The following BBS9 variants were observed in gnomAD, a reference collection of about 807,000 sequenced individuals.
The protein encoded by BBS9 is protein PTHB1.
In BBS9, 89 loss-of-function variants were observed where a neutral mutation model predicts 117.7. The observed-to-expected ratio is 0.76, with a 90% CI of 0.64 to 0.90. BBS9 has a LOEUF of 0.90. Among genes scored for constraint, BBS9 ranks in the 40% least tolerant of loss-of-function variants. The probability of loss-of-function intolerance (pLI) is 0.00; values close to 1 mark genes in which losing one functional copy is unlikely to be tolerated. For synonymous variants in BBS9, 379 were observed against 370.9 expected, an observed-to-expected ratio of 1.02 and a Z score of -0.25; for missense variants, 982 against 1,042.2, an observed-to-expected ratio of 0.94 and a Z score of 0.80.
chr7:33,372,313 G>A (rs1388859811), intron 17 of BBS9, among the ~76,000 whole-genome samples: 3 of 152,014 alleles, frequency 2.0e-5, no homozygotes, highest in African/African-American at 7.2e-5. Flanking sequence ...TTTGTATTGA[G>A]GTACATTCCT....
intron 9 of BBS9, among the ~76,000 whole-genome samples, chr7:33,279,020 T>G (rs935787620): frequency 1.8e-4 from 28 of 152,214 alleles, no homozygotes; most frequent in African/African-American, 6.3e-4. Flanking sequence ...TAATTATTAC[T>G]AACTTAGCTA....
Position 33,332,442 on chromosome 7 carries a change from G to T in BBS9, c.1017-3999G>T, listed in dbSNP as rs192615751. On this transcript the variant is annotated intron_variant, in intron 9 of 22. Transcript: ENST00000242067. ...GCCTGTAATCCCAGCACTTTGGGAG[G>T]CTGAGGCAGGTGGATCACGAGGTCA... Among the ~76,000 whole-genome samples, 63 of 152,332 alleles carry T rather than the reference G, an allele frequency of 4.1e-4. No homozygotes were observed. The East Asian group carries it at 0.012, about 28-fold the overall frequency.
intron 1 of BBS9, 125 bp downstream of exon 1, chr7:33,130,166 A>G (rs998514074): frequency 3.3e-5 from 5 of 152,272 alleles, no homozygotes; most frequent in South Asian, 4.1e-4. Flanking sequence ...GATTTCTTAG[A>G]TGTTTGCACT....
At chr7:33,427,449 C>A (rs1833812833) in intron 19 of BBS9, among the ~76,000 whole-genome samples, 1 of 152,136 alleles carries the variant, frequency 6.6e-6, no homozygotes, top group Admixed American at 6.5e-5. Context: ...ACTTTCCTGG[C>A]AATGTTGCTC....
chr7:33,473,498 A>G (rs1403524556), intron 19 of BBS9, among the ~76,000 whole-genome samples: 1 of 152,024 alleles, frequency 6.6e-6, no homozygotes. Context: ...TAATTTTTGT[A>G]TTTTTAGTAG....
At chr7:33,278,279 A>C (rs1249275751) in intron 9 of BBS9, among the ~76,000 whole-genome samples, 3 of 152,204 alleles carry the variant, frequency 2.0e-5, no homozygotes, top group Non-Finnish European at 2.9e-5. Context: ...GACAGGGGGC[A>C]TAGTTGTGGT....
intron 4 of BBS9, among the ~76,000 whole-genome samples, chr7:33,156,039 A>G (rs1472105974): frequency 6.6e-6 from 1 of 152,202 alleles, no homozygotes; most frequent in Non-Finnish European, 1.5e-5. Flanking sequence ...ATGTTCTACA[A>G]TAACAAAATT....
chr7:33,233,027 G>T (rs113424823), intron 5 of BBS9, among the ~76,000 whole-genome samples: 39 of 152,136 alleles, frequency 2.6e-4, no homozygotes, highest in African/African-American at 8.2e-4. Flanking sequence ...TTTGTTCTTT[G>T]ACTTAAGCCT....
chr7:33,603,648 G>C (rs1444123597), intron 21 of BBS9, among the ~76,000 whole-genome samples: 1 of 152,168 alleles, frequency 6.6e-6, no homozygotes, highest in East Asian at 1.9e-4. Context: ...AGGCTTTGGA[G>C]AGATTAAAAA....
At chr7:33,420,962 A>G (rs1832775316) in intron 19 of BBS9, among the ~76,000 whole-genome samples, 1 of 152,182 alleles carries the variant, frequency 6.6e-6, no homozygotes, top group Non-Finnish European at 1.5e-5. Flanking sequence ...CGTATCATCG[A>G]GGCCTCTCTA....
At chr7:33,612,698 G>T (rs771585495) in intron 21 of BBS9, among the ~76,000 whole-genome samples, 1 of 151,960 alleles carries the variant, frequency 6.6e-6, no homozygotes, top group Non-Finnish European at 1.5e-5. Context: ...CATCTGCTAG[G>T]AGTCTTGTTT....
chr7:33,154,003 T>C (rs1195401337), intron 3 of BBS9, among the ~76,000 whole-genome samples: 1 of 152,200 alleles, frequency 6.6e-6, no homozygotes, highest in Non-Finnish European at 1.5e-5. Flanking sequence ...TTCTGTATAG[T>C]AGTCCTTAAG....
intron 5 of BBS9, among the ~76,000 whole-genome samples, chr7:33,223,434 TTGTC>T (rs1233899360): frequency 1.3e-5 from 2 of 152,226 alleles, no homozygotes; most frequent in Non-Finnish European, 2.9e-5. Flanking sequence ...AAAACAGTAG[TTGTC>T]TAACAACAAC....
intron 9 of BBS9, among the ~76,000 whole-genome samples, chr7:33,323,348 T>C (rs2128587959): frequency 6.6e-6 from 1 of 152,308 alleles, no homozygotes; most frequent in East Asian, 1.9e-4. Flanking sequence ...CTATAGCTAT[T>C]ATTTTACAGG....
Position 33,555,198 on chromosome 7 carries a change from C to G in BBS9, c.2521+21022C>G, listed in dbSNP as rs75928193. 8.5e-5 allele frequency among the ~76,000 whole-genome samples: 13 copies of G among 152,310 alleles called. No homozygotes were observed. In the East Asian group the frequency reaches 2.5e-3, roughly 29 times the overall value. On this transcript the variant is annotated intron_variant, in intron 21 of 22. Transcript: ENST00000242067. ...GTTATTTCATCAGAGGGACACATATCCAGACCCATTCCTAATTAGAATGAA... is the reference window on the plus strand; with the variant it reads ...GTTATTTCATCAGAGGGACACATATGCAGACCCATTCCTAATTAGAATGAA...
At chr7:33,581,523 A>G (rs776430777) in intron 21 of BBS9, among the ~76,000 whole-genome samples, 1 of 152,156 alleles carries the variant, frequency 6.6e-6, no homozygotes, top group Non-Finnish European at 1.5e-5. Context: ...TAACTTACTC[A>G]GAGACTTTGG....
intron 20 of BBS9, among the ~76,000 whole-genome samples, chr7:33,508,437 C>T (rs1004811622): frequency 5.3e-5 from 8 of 152,194 alleles, no homozygotes; most frequent in Non-Finnish European, 2.9e-5. Flanking sequence ...CTACCAGTGT[C>T]CCCACTTAAT....
At chr7:33,306,807 T>A (rs1355406450) in intron 9 of BBS9, among the ~76,000 whole-genome samples, 3 of 152,132 alleles carry the variant, frequency 2.0e-5, no homozygotes, top group Non-Finnish European at 4.4e-5. Context: ...CCAGAATAAT[T>A]TGTTTCATAT....
intron 5 of BBS9, among the ~76,000 whole-genome samples, chr7:33,233,100 G>T (rs572651340): frequency 1.3e-5 from 2 of 152,074 alleles, no homozygotes; most frequent in Non-Finnish European, 1.5e-5. Flanking sequence ...GAAGAAATAG[G>T]GGGGGTTGAG....
Sources: allele counts gnomAD v4.1 joint callset (sites outside exome capture counted in the v4.1 genomes callset), GRCh38; gene constraint gnomAD v4.1.1; transcripts MANE v1.5; gene names NCBI Gene and HGNC (gene_info 2026-07-23, HGNC 2026-07-21).